The following LHFPL6 variants were observed in gnomAD, a reference collection of about 807,000 sequenced individuals.
LHFPL6 encodes the protein LHFPL tetraspan subfamily member 6 protein.
Under a neutral mutation model 20.6 loss-of-function variants are expected in LHFPL6, and 9 were observed. The observed-to-expected ratio is 0.44, with a 90% CI of 0.26 to 0.76. The LOEUF is 0.76. LHFPL6 is among the 30% of genes least tolerant of loss of function. The pLI, the probability that LHFPL6 is intolerant of heterozygous loss-of-function variation, is 0.20. For synonymous variants in LHFPL6, 105 were observed against 98.7 expected (o/e 1.06, Z -0.38); for missense variants, 218 against 253.5 (o/e 0.86, Z 0.95).
intron 3 of LHFPL6, 131 bp downstream of exon 3, chr13:39,378,297 G>A (rs560699841): frequency 3.1e-6 from 2 of 650,590 alleles, no homozygotes; most frequent in African/African-American, 3.6e-5. Context: ...CATTTATATT[G>A]TTACACGTGA....
chr13:39,572,942 G>A (rs1172769716), intron 2 of LHFPL6, among the ~76,000 whole-genome samples: 1 of 152,180 alleles, frequency 6.6e-6, no homozygotes, highest in South Asian at 2.1e-4. Flanking sequence ...GGAAAGTAAT[G>A]AATAATGTTA....
At chr13:39,498,189 T>C (rs1869162319) in intron 2 of LHFPL6, among the ~76,000 whole-genome samples, 3 of 152,186 alleles carry the variant, frequency 2.0e-5, no homozygotes. Context: ...CCACAAAAAG[T>C]AAGTGGTCCA....
At chr13:39,358,228 T>C (rs1228737510) in intron 3 of LHFPL6, among the ~76,000 whole-genome samples, 1 of 151,820 alleles carries the variant, frequency 6.6e-6, no homozygotes, top group Non-Finnish European at 1.5e-5. Context: ...ATAGAGAACC[T>C]AGAAATAAAA....
intron 2 of LHFPL6, among the ~76,000 whole-genome samples, chr13:39,487,204 T>A (rs928245503): frequency 6.6e-6 from 1 of 152,192 alleles, no homozygotes; most frequent in African/African-American, 2.4e-5. Flanking sequence ...GCACTATCAG[T>A]CAATTTGGGC....
intron 2 of LHFPL6, among the ~76,000 whole-genome samples, chr13:39,441,306 G>C (rs1872126437): frequency 6.6e-6 from 1 of 151,652 alleles, no homozygotes; most frequent in Admixed American, 6.6e-5. Flanking sequence ...TAAATGCATT[G>C]TTTATTAGGC....
intron 2 of LHFPL6, among the ~76,000 whole-genome samples, chr13:39,512,601 CAA>C (rs565183661): frequency 1.0e-4 from 11 of 109,550 alleles, no homozygotes; most frequent in Non-Finnish European, 8.9e-5. Flanking sequence ...GCCTCCGTCT[CAA>C]AAAAAAAAAA....
chr13:39,585,729 T>C (rs1872428778), intron 2 of LHFPL6, among the ~76,000 whole-genome samples: 1 of 152,204 alleles, frequency 6.6e-6, no homozygotes, highest in Non-Finnish European at 1.5e-5. Context: ...GCCCACCTGT[T>C]TGCCCAATGG....
chr13:39,501,950 C>T (rs895317962), intron 2 of LHFPL6, among the ~76,000 whole-genome samples: 17 of 152,230 alleles, frequency 1.1e-4, no homozygotes, highest in African/African-American at 4.1e-4. Flanking sequence ...GGCCACATGA[C>T]TCTCGCAGGA....
chr13:39,399,484 C>T (rs1041165448), intron 2 of LHFPL6, among the ~76,000 whole-genome samples: 1 of 152,138 alleles, frequency 6.6e-6, no homozygotes, highest in African/African-American at 2.4e-5. Context: ...GTTGAACAAG[C>T]TCTTTCTAAA....
intron 2 of LHFPL6, among the ~76,000 whole-genome samples, chr13:39,399,165 G>T (rs947587443): frequency 6.6e-6 from 1 of 152,162 alleles, no homozygotes; most frequent in East Asian, 1.9e-4. Context: ...CAACATACAT[G>T]TTTGTAAGCC....
intron 2 of LHFPL6, among the ~76,000 whole-genome samples, chr13:39,419,537 A>C (rs1028705051): frequency 2.0e-5 from 3 of 152,246 alleles, no homozygotes; most frequent in African/African-American, 7.2e-5. Context: ...TAAGAGTTGA[A>C]TTAGTCTTCT....
chr13:39,537,488 C>T (rs1870657262), intron 2 of LHFPL6, among the ~76,000 whole-genome samples: 1 of 152,148 alleles, frequency 6.6e-6, no homozygotes, highest in South Asian at 2.1e-4. Context: ...ACCATCCACA[C>T]TAGGAAATTT....
At chr13:39,600,359 T>G (rs897695334) in intron 2 of LHFPL6, among the ~76,000 whole-genome samples, 24 of 152,368 alleles carry the variant, frequency 1.6e-4, no homozygotes, top group African/African-American at 5.5e-4. Flanking sequence ...AGTTTAAGAT[T>G]GGGCAAGAGT....
intron 2 of LHFPL6, among the ~76,000 whole-genome samples, chr13:39,408,664 T>A (rs4943663): frequency 0.99 from 151,595 of 152,372 alleles, 75,411 homozygotes; most frequent in Middle Eastern, 1. Flanking sequence ...GGCTTGAGCC[T>A]TTGAAAATAA....
At chr13:39,507,889 C>CCTTCCTT (rs1555265409) in intron 2 of LHFPL6, among the ~76,000 whole-genome samples, 1 of 143,616 alleles carries the variant, frequency 7.0e-6, no homozygotes, top group Non-Finnish European at 1.5e-5. Context: ...TGCCTCCCCT[C>CCTTCCTT]CCTTCCTTCC....
At position 39,539,222 on chromosome 13, in the gene LHFPL6, G is replaced by A. The variant is rs952596317; in HGVS notation, c.385+61610C>T. ...TTTAGTTCTTTTTCTTTTGCATTTC[G>A]AAAAGCAGGAACATATGGTTTCATA... On this transcript the variant is annotated intron_variant, in intron 2 of 3. Transcript: ENST00000379589. 5.9e-5 allele frequency among the ~76,000 whole-genome samples: 9 copies of A among 151,796 alleles called. 1 individual carries two copies. Among genetic ancestry groups the A allele is most frequent in the African/African-American group, 4.8e-5 (2 of 41,284 alleles).
intron 2 of LHFPL6, among the ~76,000 whole-genome samples, chr13:39,514,879 G>A (rs1213354558): frequency 2.0e-5 from 3 of 152,232 alleles, no homozygotes; most frequent in African/African-American, 7.2e-5. Flanking sequence ...AAGTGCTAAA[G>A]GCAGGGACTC....
Position 39,462,382 on chromosome 13 carries a change from T to TA in LHFPL6, c.386-83857dup, listed in dbSNP as rs199692351. ...AAAATTCCTTTGCTTTGGTTGCTTT[T>TA]AAAAAAAAATGTGTGTGTTACTGTA... On this transcript the variant is annotated intron_variant, in intron 2 of 3. Transcript: ENST00000379589. Among the ~76,000 whole-genome samples the TA allele has an allele frequency of 3.1e-3, 468 of 151,704 alleles. 1 individual carries two copies. Among genetic ancestry groups the TA allele is most frequent in the Admixed American group, 4.2e-3 (64 of 15,228 alleles).
rs950429928 is a variant in LHFPL6, at chr13:39,390,185, G to C, written c.386-11659C>G. On this transcript the variant is annotated intron_variant, in intron 2 of 3. Coordinates refer to ENST00000379589, the MANE Select transcript of LHFPL6 (RefSeq NM_005780.3). Reference sequence around the variant, plus strand: ...TAAAAAAGTAGTAAAATCTACATTTGTTGAACTGGATAGTGAAAGAAGGAC... The same window carrying C: ...TAAAAAAGTAGTAAAATCTACATTTCTTGAACTGGATAGTGAAAGAAGGAC... Among the ~76,000 whole-genome samples the C allele has an allele frequency of 3.3e-5, 5 of 152,044 alleles. No homozygotes were observed. In the South Asian group the frequency reaches 1.0e-3, roughly 32 times the overall value.
Sources: gnomAD v4.1 joint callset for allele counts (sites outside exome capture counted in the v4.1 genomes callset) on GRCh38, gnomAD v4.1.1 for gene constraint, MANE v1.5 for transcripts, NCBI Gene and HGNC (gene_info 2026-07-23, HGNC 2026-07-21) for gene names.